The following TNR variants were observed in gnomAD, a reference collection of about 807,000 sequenced individuals.
TNR encodes the protein tenascin R.
In TNR, 45 loss-of-function variants were observed where a neutral mutation model predicts 150.4. The observed-to-expected ratio is 0.30, with a 90% CI of 0.24 to 0.38. TNR has a LOEUF of 0.38. Among genes scored for constraint, TNR ranks in the 10% least tolerant of loss-of-function variants. The pLI, the probability that TNR is intolerant of heterozygous loss-of-function variation, is 1.00. For synonymous variants in TNR, 687 were observed against 678.4 expected (o/e 1.01, Z -0.20); for missense variants, 1,544 against 1,759.1 (o/e 0.88, Z 2.19).
chr1:175,672,129 A>C (rs766083590), intron 1 of TNR, among the ~76,000 whole-genome samples: 1 of 152,216 alleles, frequency 6.6e-6, no homozygotes, highest in Non-Finnish European at 1.5e-5. Flanking sequence ...TCTCCGTCTC[A>C]ATTTCCTCAT....
intron 1 of TNR, among the ~76,000 whole-genome samples, chr1:175,630,501 T>C (rs1029248367): frequency 1.3e-5 from 2 of 152,218 alleles, no homozygotes; most frequent in African/African-American, 4.8e-5. Context: ...ACTTCACTAC[T>C]GGTCTACAGC....
intron 1 of TNR, among the ~76,000 whole-genome samples, chr1:175,706,750 C>T (rs942194973): frequency 4.6e-5 from 7 of 152,150 alleles, no homozygotes; most frequent in African/African-American, 1.7e-4. Flanking sequence ...CAGGTAAAAT[C>T]TAATTCCCCT....
At chr1:175,613,275 C>A (rs1164417207) in intron 1 of TNR, among the ~76,000 whole-genome samples, 1 of 152,122 alleles carries the variant, frequency 6.6e-6, no homozygotes, top group African/African-American at 2.4e-5. Flanking sequence ...CTAGCCAGGG[C>A]CCAAATCCTT....
intron 2 of TNR, among the ~76,000 whole-genome samples, chr1:175,499,927 A>G (rs1466562760): frequency 1.3e-5 from 2 of 152,232 alleles, no homozygotes; most frequent in Non-Finnish European, 2.9e-5. Flanking sequence ...GGTGCAATAC[A>G]GCAGAATATC....
intron 1 of TNR, among the ~76,000 whole-genome samples, chr1:175,642,267 ATG>A (rs148701075): frequency 4.6e-5 from 7 of 152,306 alleles, no homozygotes; most frequent in African/African-American, 1.4e-4. Context: ...CACACGTGCT[ATG>A]TGTTTGTGGT....
At chr1:175,357,918 T>C (rs1034933400) in intron 15 of TNR, among the ~76,000 whole-genome samples, 7 of 152,210 alleles carry the variant, frequency 4.6e-5, no homozygotes, top group Non-Finnish European at 7.3e-5. Context: ...GTGGAATGAA[T>C]GGAAGTTCAT....
intron 11 of TNR, 129 bp downstream of exon 11, chr1:175,365,746 T>C (rs1222887997): frequency 1.0e-5 from 14 of 1,378,622 alleles, no homozygotes; most frequent in African/African-American, 1.4e-5. Context: ...TTTTACTCTA[T>C]CCTTTTCTAC....
intron 2 of TNR, among the ~76,000 whole-genome samples, chr1:175,437,379 T>C (rs923181217): frequency 5.3e-5 from 8 of 152,278 alleles, no homozygotes; most frequent in Admixed American, 6.5e-5. Flanking sequence ...TTCAAAGCAG[T>C]GTGTAGAGGG....
chr1:175,659,658 C>T lies in TNR; in HGVS notation c.-165+83568G>A, dbSNP rs186385890. 3.5e-4 allele frequency among the ~76,000 whole-genome samples: 54 copies of T among 152,302 alleles called. 2 individuals are homozygous for T. Among genetic ancestry groups the T allele is most frequent in the African/African-American group, 1.2e-3 (48 of 41,576 alleles). On this transcript the variant is annotated intron_variant, in intron 1 of 22. Coordinates refer to ENST00000367674, the MANE Select transcript of TNR (RefSeq NM_003285.3). ...TCATCAAGCACTGCTTCTTCAGTCT[C>T]CCCAGCCATCAAATGGGAAGAATGG...
At position 175,403,438 on chromosome 1, in the gene TNR, G is replaced by A. The variant is rs1428315249; in HGVS notation, c.678C>T (p.Ser226=). The A allele has an allele frequency of 5.6e-6, 9 of 1,614,016 alleles. No individual in the cohort carries two copies. The highest frequency in any genetic ancestry group is 2.2e-5 in the East Asian group (1 of 44,882). Residue 226 remains serine, a synonymous_variant, in exon 4 of 23, where the codon AGC becomes AGT. Transcript: ENST00000367674. Reference sequence around the variant, plus strand: ...ACCGGAGTTCGGAACAGTCATCCCCGCTGTACTCGCTGTCACAGATGCACT... The same window carrying A: ...ACCGGAGTTCGGAACAGTCATCCCCACTGTACTCGCTGTCACAGATGCACT... ...DGQCICDSEY[S]GDDCSELRCP...
At chr1:175,361,059 A>G (rs1651565133) in intron 14 of TNR, among the ~76,000 whole-genome samples, 1 of 152,144 alleles carries the variant, frequency 6.6e-6, no homozygotes, top group Non-Finnish European at 1.5e-5. Flanking sequence ...CTCATGACCC[A>G]AGGATTTTTT....
chr1:175,378,483 G>A (rs374877601), intron 9 of TNR, among the ~76,000 whole-genome samples: 1 of 152,208 alleles, frequency 6.6e-6, no homozygotes, highest in East Asian at 1.9e-4. Context: ...GAAGTGAATG[G>A]AAACTGGCAA....
intron 1 of TNR, among the ~76,000 whole-genome samples, chr1:175,673,731 T>C (rs1240944060): frequency 1.3e-5 from 2 of 152,226 alleles, no homozygotes; most frequent in Non-Finnish European, 2.9e-5. Flanking sequence ...CAAGGTCAGA[T>C]TTTAAGATCT....
chr1:175,347,826 G>C (rs1207652638), intron 18 of TNR, among the ~76,000 whole-genome samples: 1 of 152,010 alleles, frequency 6.6e-6, no homozygotes, highest in Non-Finnish European at 1.5e-5. Context: ...TGCTTTAGTT[G>C]CATTCCTTTT....
chr1:175,538,300 TAG>T (rs1310885242), intron 1 of TNR, among the ~76,000 whole-genome samples: 2 of 152,100 alleles, frequency 1.3e-5, no homozygotes, highest in East Asian at 1.9e-4. Flanking sequence ...ATGGTTTGAG[TAG>T]AGTCTCAACT....
At chr1:175,602,486 C>G (rs1663278919) in intron 1 of TNR, among the ~76,000 whole-genome samples, 1 of 152,220 alleles carries the variant, frequency 6.6e-6, no homozygotes, top group African/African-American at 2.4e-5. Flanking sequence ...AGTTTATCAA[C>G]AGGTCAAGCC....
At chr1:175,708,596 G>A (rs961991854) in intron 1 of TNR, among the ~76,000 whole-genome samples, 2 of 152,148 alleles carry the variant, frequency 1.3e-5, no homozygotes, top group African/African-American at 2.4e-5. Context: ...TGGAAGGATC[G>A]TGGAAATAAA....
In TNR at chr1:175,356,355, G is replaced by C; in HGVS notation, c.3082C>G (p.Leu1028Val). Residue 1028 changes from leucine (L) to valine (V), a missense_variant, in exon 16 of 23, where the codon CTC becomes GTC. Leu to Val is a conservative substitution (Grantham distance 32). Coordinates refer to ENST00000367674, the MANE Select transcript of TNR (RefSeq NM_003285.3). ...TTGGTGCTGATGGTGCCACTGGTGA[G>C]AGGTCCATTGGTGGCATACATGGTG... is the stretch of plus-strand genomic sequence containing the variant. The part of the protein sequence containing the change: ...TATMYATNGP[L>V]TSGTISTNFS... 2 of 1,614,060 alleles carry C rather than the reference G, an allele frequency of 1.2e-6. No individual in the cohort carries two copies. The highest frequency in any genetic ancestry group is 8.5e-7 in the Non-Finnish European group (1 of 1,179,956).
chr1:175,632,483 G>A (rs1282552125), intron 1 of TNR, among the ~76,000 whole-genome samples: 2 of 152,140 alleles, frequency 1.3e-5, no homozygotes, highest in African/African-American at 4.8e-5. Context: ...GTCTATATGG[G>A]TAGACAAGGC....
Sources: gnomAD v4.1 joint callset for allele counts (sites outside exome capture counted in the v4.1 genomes callset) on GRCh38, gnomAD v4.1.1 for gene constraint, MANE v1.5 for transcripts, NCBI Gene and HGNC (gene_info 2026-07-23, HGNC 2026-07-21) for gene names.